The following OGN variants were observed in gnomAD, a reference collection of about 807,000 sequenced individuals.
OGN encodes the protein mimecan.
Under a neutral mutation model 30.8 loss-of-function variants are expected in OGN, and 19 were observed. The ratio of observed to expected loss-of-function variants is 0.62; its 90% CI spans 0.43 to 0.90. The LOEUF is 0.90. Ranked by LOEUF, OGN falls within the 40% of genes least tolerant of loss-of-function variation. The probability of loss-of-function intolerance (pLI) is 0.00; values close to 1 mark genes in which losing one functional copy is unlikely to be tolerated. For missense variants in OGN, 283 were observed against 349.7 expected (o/e 0.81, Z 1.52); for synonymous variants, 126 against 128.3 (o/e 0.98, Z 0.12).
intron 4 of OGN, among the ~76,000 whole-genome samples, chr9:92,392,049 G>T (rs1435623003): frequency 6.6e-6 from 1 of 151,948 alleles, no homozygotes; most frequent in Non-Finnish European, 1.5e-5. Context: ...ACAATATTAG[G>T]AGTCTAGAAA....
chr9:92,404,322 T>G (rs1320826176), intron 1 of OGN, among the ~76,000 whole-genome samples, 174 bp downstream of exon 1: 1 of 152,196 alleles, frequency 6.6e-6, no homozygotes, highest in Non-Finnish European at 1.5e-5. Context: ...CACCCTATTC[T>G]TGCCTGCGTG....
chr9:92,385,773 T>G lies in OGN; in HGVS notation c.744A>C (p.Ser248=), dbSNP rs765557463. Residue 248 remains serine, a synonymous_variant, in exon 7 of 7, where the codon TCA becomes TCC. Transcript: ENST00000375561. ...CCTTGCAGAATGTGTCATCTGTAAT[T>G]GAAGCTATGTTGTTGAACTGAAAAA... is the stretch of plus-strand genomic sequence containing the variant. The part of the protein sequence containing the change: ...VIHLQFNNIA[S]ITDDTFCKAN... 1.2e-5 allele frequency: 19 copies of G among 1,614,012 alleles called. No homozygotes were observed. The African/African-American group carries it at 2.5e-4, about 22-fold the overall frequency.
chr9:92,386,964 T>C lies in OGN; in HGVS notation c.631-668A>G, dbSNP rs947674756. Among the ~76,000 whole-genome samples the C allele has an allele frequency of 2.0e-5, 3 of 147,854 alleles. No homozygotes were observed. In the East Asian group the frequency reaches 6.0e-4, roughly 30 times the overall value. On this transcript the variant is annotated intron_variant, in intron 5 of 6. Transcript: ENST00000375561. Reference sequence around the variant, plus strand: ...TCGGGAGGCTGAGGCAGGAGAATGCTGTGAACCCAGGAGGCAGAGCTTGCA... The same window carrying C: ...TCGGGAGGCTGAGGCAGGAGAATGCCGTGAACCCAGGAGGCAGAGCTTGCA...
chr9:92,387,218 C>T (rs1842468215), intron 5 of OGN, among the ~76,000 whole-genome samples: 2 of 151,744 alleles, frequency 1.3e-5, no homozygotes, highest in African/African-American at 2.4e-5. Context: ...ACTAAAAATA[C>T]AAAAATTAAC....
Position 92,385,437 on chromosome 9 carries a change from G to A in OGN, c.*183C>T. On this transcript the variant is annotated 3_prime_UTR_variant, in exon 7 of 7. Transcript: ENST00000375561. ...TTCATATTACTTTGTTTCGAACGTA[G>A]ACATTCAGTCTTACTTTTTACTTAT... 1.9e-6 allele frequency: 1 copy of A among 540,338 alleles called. No individual in the cohort carries two copies. The highest frequency in any genetic ancestry group is 3.2e-6 in the Non-Finnish European group (1 of 309,094). The allele number at this position is 540,338 out of a possible 1,614,324, so 33.5% of individuals were successfully genotyped here.
chr9:92,400,395 C>G (rs188845385), intron 3 of OGN, among the ~76,000 whole-genome samples: 1 of 152,118 alleles, frequency 6.6e-6, no homozygotes, highest in Non-Finnish European at 1.5e-5. Context: ...GTGATCCACC[C>G]GCCTCAGCCT....
intron 3 of OGN, among the ~76,000 whole-genome samples, chr9:92,399,972 T>A (rs1218284683): frequency 6.6e-6 from 1 of 152,186 alleles, no homozygotes; most frequent in African/African-American, 2.4e-5. Context: ...ACTGTTTCCC[T>A]TGTTATTTGT....
rs756864145 is a variant in OGN at position 92,384,635 on chromosome 9, C to T, written c.*985G>A. ...TCATGAGTAATCAGAAAGTGTTACT[C>T]AGAAGCTTTATTGTGAATATTCAGT... On this transcript the variant is annotated 3_prime_UTR_variant, in exon 7 of 7. Coordinates refer to ENST00000375561, the MANE Select transcript of OGN (RefSeq NM_014057.5). 6.6e-6 allele frequency: 1 copy of T among 152,058 alleles called. No homozygotes were observed. Among genetic ancestry groups the T allele is most frequent in the Non-Finnish European group, 1.5e-5 (1 of 67,982 alleles). The allele number at this position is 152,058 out of a possible 1,614,324, so 9.4% of individuals were successfully genotyped here.
At position 92,403,293 on chromosome 9, in the gene OGN, C is replaced by G. The variant is rs1843194633; in HGVS notation, c.115G>C (p.Glu39Gln). Residue 39 changes from glutamate (E) to glutamine (Q), a missense_variant, in exon 2 of 7, where the codon GAA becomes CAA. Physicochemically the swap from Glu to Gln is conservative, Grantham distance 29. Coordinates refer to ENST00000375561, the MANE Select transcript of OGN (RefSeq NM_014057.5). The stretch of plus-strand genomic sequence containing the variant: ...TAATCTTGGCTAAATATGGATTCTT[C>G]AAAATTATCTGTTCCATAATCATAG... ...IIYDYGTDNF[E>Q]ESIFSQDYED... The G allele has an allele frequency of 6.2e-7, 1 of 1,611,084 alleles. No homozygotes were observed. The highest frequency in any genetic ancestry group is 1.7e-5 in the Admixed American group (1 of 59,878).
chr9:92,389,787 C>G, intron 5 of OGN, 67 bp downstream of exon 5: 1 of 1,048,742 alleles, frequency 9.5e-7, no homozygotes. Flanking sequence ...AATTCTAGAC[C>G]AAAGTTTCTC....
intron 3 of OGN, among the ~76,000 whole-genome samples, chr9:92,394,963 T>C (rs1842835718): frequency 6.6e-6 from 1 of 152,216 alleles, no homozygotes; most frequent in Non-Finnish European, 1.5e-5. Context: ...GTCCCATAAG[T>C]CATAATCTGT....
chr9:92,385,975 C>T (rs955627542), intron 6 of OGN, among the ~76,000 whole-genome samples, 185 bp from the exon 7 acceptor site: 4 of 152,184 alleles, frequency 2.6e-5, no homozygotes, highest in Admixed American at 2.0e-4. Flanking sequence ...GCAGACTTCA[C>T]ACGTACTGTG....
intron 4 of OGN, among the ~76,000 whole-genome samples, chr9:92,390,575 T>A (rs1588086171): frequency 2.0e-5 from 3 of 151,130 alleles, no homozygotes; most frequent in African/African-American, 7.3e-5. Flanking sequence ...TGTGTGTGTG[T>A]GTGTGTGTGT....
chr9:92,403,524 C>G, intron 1 of OGN, 42 bp from the exon 2 acceptor site: 1 of 1,426,358 alleles, frequency 7.0e-7, no homozygotes. Flanking sequence ...TATTTAAAAG[C>G]TTAGAGGATG....
intron 3 of OGN, among the ~76,000 whole-genome samples, chr9:92,398,295 C>A (rs541677420): frequency 3.1e-4 from 47 of 152,196 alleles, no homozygotes; most frequent in African/African-American, 1.1e-3. Flanking sequence ...AATTTGGGTT[C>A]TTTTTACCTT....
At chr9:92,387,937 G>T (rs1842501750) in intron 5 of OGN, among the ~76,000 whole-genome samples, 1 of 145,950 alleles carries the variant, frequency 6.9e-6, no homozygotes, top group Admixed American at 6.8e-5. Flanking sequence ...CTAATTTTTT[G>T]TATTTCAGTA....
intron 3 of OGN, among the ~76,000 whole-genome samples, chr9:92,399,879 T>G (rs974722875): frequency 2.0e-5 from 3 of 152,214 alleles, no homozygotes; most frequent in Non-Finnish European, 4.4e-5. Context: ...CATATACCAG[T>G]ATCGCACTTT....
At chr9:92,393,383 G>A in intron 3 of OGN, 139 bp from the exon 4 acceptor site, 2 of 628,886 alleles carry the variant, frequency 3.2e-6, no homozygotes, top group South Asian at 6.3e-5. Flanking sequence ...GATAGTCATG[G>A]TAACTCGTTA....
At position 92,393,121 on chromosome 9, in the gene OGN, A is replaced by G; in HGVS notation, c.392T>C (p.Ile131Thr). ...AAAATCTTTGGCAGTCAGCTTTTTA[A>G]TTTTGTTGAATCGTGCGTAAAGATA... ...SAYLYARFNK[I>T]KKLTAKDFAD... The change falls in exon 4 of 7, where the codon ATT becomes ACT. Residue 131 changes from isoleucine (I) to threonine (T), a missense_variant. Coordinates refer to ENST00000375561, the MANE Select transcript of OGN (RefSeq NM_014057.5). 1 of 1,613,574 alleles carries G rather than the reference A, an allele frequency of 6.2e-7. No individual in the cohort carries two copies. The highest frequency in any genetic ancestry group is 8.5e-7 in the Non-Finnish European group (1 of 1,179,824).
Sources: allele counts gnomAD v4.1 joint callset (sites outside exome capture counted in the v4.1 genomes callset), GRCh38; gene constraint gnomAD v4.1.1; transcripts MANE v1.5; gene names NCBI Gene and HGNC (gene_info 2026-07-23, HGNC 2026-07-21).